Variants in GLMN observed in about 807,000 individuals in gnomAD.
GLMN encodes the protein glomulin.
GLMN carries 75 observed loss-of-function variants against 87.8 expected under a neutral mutation model. The ratio of observed to expected loss-of-function variants is 0.85; its 90% confidence interval spans 0.71 to 1.04. The LOEUF is 1.04. Ranked by LOEUF, GLMN falls within the 50% of genes least tolerant of loss-of-function variation. The probability of loss-of-function intolerance (pLI) is 0.00; values close to 1 mark genes in which losing one functional copy is unlikely to be tolerated. For missense variants in GLMN, 588 were observed against 658.8 expected (o/e 0.89, Z 1.18); for synonymous variants, 206 against 221.6 (o/e 0.93, Z 0.63).
the GLMN span, among the ~76,000 whole-genome samples, chr1:92,370,455 AC>A: frequency 2.6e-5 from 4 of 152,060 alleles, no homozygotes; most frequent in African/African-American, 9.7e-5. Context: ...GAGCTTTCGT[AC>A]CCCCCCACCA....
chr1:92,290,234 G>A lies in GLMN; in HGVS notation c.358C>T (p.Gln120Ter). The A allele has an allele frequency of 6.2e-7, 1 of 1,607,142 alleles. No homozygotes were observed. The highest frequency in any genetic ancestry group is 8.5e-7 in the Non-Finnish European group (1 of 1,173,944). Reference sequence around the variant, plus strand: ...GGCTGAAGCAAAAGAAGAATACTTTGGGATATCTGTTTTCCAGAGGGCTCT... The same window carrying A: ...GGCTGAAGCAAAAGAAGAATACTTTAGGATATCTGTTTTCCAGAGGGCTCT... Reference protein sequence around the residue: ...IEEPSGKQISQSILLLLQPLQ... With the variant: ...IEEPSGKQIS Residue 120 changes from glutamine to a stop codon, truncating the protein, a stop_gained, in exon 5 of 19, where the codon CAA (glutamine) becomes TAA (stop). Coordinates refer to ENST00000370360, the MANE Select transcript of GLMN (RefSeq NM_053274.3). LOFTEE classifies it high-confidence loss of function.
chr1:92,301,013 T>TG (rs1467547891), upstream of GLMN, among the ~76,000 whole-genome samples: 2 of 152,184 alleles, frequency 1.3e-5, no homozygotes, highest in Non-Finnish European at 2.9e-5. Context: ...CTAATTTAGT[T>TG]GGAGGTGGGT....
At chr1:92,253,455 C>A (rs1339605171) in intron 16 of GLMN, among the ~76,000 whole-genome samples, 3 of 152,190 alleles carry the variant, frequency 2.0e-5, no homozygotes, top group Non-Finnish European at 4.4e-5. Context: ...GTCCCTGACC[C>A]CTCGTGCTTC....
At chr1:92,336,492 C>T in the GLMN span, 1 of 1,087,174 alleles carries the variant, frequency 9.2e-7, no homozygotes, top group Non-Finnish European at 1.4e-6. Context: ...CTTGCAGAAT[C>T]CAAAGGCACA....
At chr1:92,265,215 C>T (rs928462114) in intron 13 of GLMN, among the ~76,000 whole-genome samples, 1 of 151,582 alleles carries the variant, frequency 6.6e-6, no homozygotes, top group Non-Finnish European at 1.5e-5. Flanking sequence ...TTTTTATGAA[C>T]ATAGTTACAA....
At chr1:92,264,508 A>G (rs774337521) in intron 14 of GLMN, 46 bp downstream of exon 14, 1 of 862,858 alleles carries the variant, frequency 1.2e-6, no homozygotes, top group Non-Finnish European at 2.0e-6. Context: ...GAATAAATAT[A>G]CCCTACGAAA....
chr1:92,305,902 A>T, the GLMN span, among the ~76,000 whole-genome samples: 1 of 152,220 alleles, frequency 6.6e-6, no homozygotes, highest in Non-Finnish European at 1.5e-5. Context: ...AAGTCTTTGC[A>T]CATTCTCTAT....
At chr1:92,366,068 A>G in the GLMN span, among the ~76,000 whole-genome samples, 4 of 152,238 alleles carry the variant, frequency 2.6e-5, no homozygotes, top group Non-Finnish European at 5.9e-5. Flanking sequence ...AAAGGGAACA[A>G]CTAGGAAAGA....
chr1:92,284,826 T>C (rs1254767337), intron 7 of GLMN, among the ~76,000 whole-genome samples: 1 of 152,048 alleles, frequency 6.6e-6, no homozygotes, highest in Non-Finnish European at 1.5e-5. Flanking sequence ...CAGACACTTC[T>C]CAAAAGAAGA....
At chr1:92,346,016 TATC>T in the GLMN span, 1 of 754,318 alleles carries the variant, frequency 1.3e-6, no homozygotes, top group Non-Finnish European at 2.2e-6. Flanking sequence ...CCTTGGAAAA[TATC>T]ATACCTCTAT....
chr1:92,366,590 T>C, the GLMN span, among the ~76,000 whole-genome samples: 3 of 152,168 alleles, frequency 2.0e-5, no homozygotes, highest in Non-Finnish European at 4.4e-5. Context: ...GTCTCACTAA[T>C]GGAGTTGAAT....
At chr1:92,296,674 T>C (rs761694071) in intron 3 of GLMN, among the ~76,000 whole-genome samples, 5 of 152,180 alleles carry the variant, frequency 3.3e-5, no homozygotes, top group Non-Finnish European at 5.9e-5. Context: ...GGCAGGATGT[T>C]GCCAACACAG....
At chr1:92,247,727 C>T (rs542602831) in intron 17 of GLMN, 151 bp downstream of exon 17, 1 of 595,040 alleles carries the variant, frequency 1.7e-6, no homozygotes, top group East Asian at 2.9e-5. Context: ...GCTTATAGAT[C>T]TGCTAAGAAT....
In GLMN at chr1:92,271,629, G is replaced by A; in HGVS notation, c.759C>T (p.His253=). ...EIIGFLSAIG[H]PFPKMIFNHG... is the part of the protein sequence containing the mutation. ...GATTAAAAATCATTTTGGGGAAAGG[G>A]TGTCCAATTGCTGATAAAAAACCCT... The change falls in exon 8 of 19, where the codon CAC becomes CAT. Residue 253 remains histidine (H), a synonymous_variant. Transcript: ENST00000370360. 1 of 1,612,118 alleles carries A rather than the reference G, an allele frequency of 6.2e-7. No homozygotes were observed. Among genetic ancestry groups the A allele is most frequent in the Non-Finnish European group, 8.5e-7 (1 of 1,178,434 alleles).
At chr1:92,321,447 C>T in the GLMN span, among the ~76,000 whole-genome samples, 1 of 151,968 alleles carries the variant, frequency 6.6e-6, no homozygotes, top group South Asian at 2.1e-4. Context: ...CCATCCATGA[C>T]CTTGCTTTCA....
intron 9 of GLMN, among the ~76,000 whole-genome samples, chr1:92,269,519 C>T (rs1294066774): frequency 6.6e-6 from 1 of 152,112 alleles, no homozygotes. Flanking sequence ...TTAATACTGT[C>T]TTAAGTTTAA....
chr1:92,306,559 A>T, the GLMN span, among the ~76,000 whole-genome samples: 759 of 152,340 alleles, frequency 5.0e-3, 1 homozygote, highest in Non-Finnish European at 7.7e-3. Flanking sequence ...TCTTAAAAAC[A>T]TAATTTTAAA....
intron 7 of GLMN, among the ~76,000 whole-genome samples, chr1:92,273,709 G>A (rs2100942405): frequency 6.6e-6 from 1 of 151,846 alleles, no homozygotes; most frequent in Admixed American, 6.6e-5. Context: ...GCCCACCTTG[G>A]CCTCCCAAAG....
intron 7 of GLMN, among the ~76,000 whole-genome samples, chr1:92,273,818 C>T (rs2100943062): frequency 6.6e-6 from 1 of 152,152 alleles, no homozygotes; most frequent in African/African-American, 2.4e-5. Flanking sequence ...CTCTGGATAT[C>T]TGAGATCCAA....
Sources: gnomAD v4.1 joint callset for allele counts (sites outside exome capture counted in the v4.1 genomes callset) on GRCh38, gnomAD v4.1.1 for gene constraint, MANE v1.5 for transcripts, NCBI Gene and HGNC (gene_info 2026-07-23, HGNC 2026-07-21) for gene names.